ASB11: variants seen among roughly 807,000 people sequenced by gnomAD.
The protein encoded by ASB11 is ankyrin repeat and SOCS box protein 11.
Under a neutral mutation model 20.1 loss-of-function variants are expected in ASB11, and 17 were observed. The ratio of observed to expected loss-of-function variants is 0.85; its 90% CI spans 0.58 to 1.27. The LOEUF is 1.27. Among genes scored for constraint, ASB11 ranks in the 50% most tolerant of loss-of-function variants. ASB11 has a pLI of 0.00. For synonymous variants in ASB11, 107 were observed against 105.6 expected, an observed-to-expected ratio of 1.01 and a Z score of -0.08; for missense variants, 259 against 256.9, an observed-to-expected ratio of 1.01 and a Z score of -0.06.
intron 1 of ASB11, among the ~76,000 whole-genome samples, chrX:15,303,108 C>T (rs1273846218): frequency 4.5e-5 from 5 of 111,170 alleles, no homozygotes; most frequent in Admixed American, 1.9e-4. Flanking sequence ...TGCTTGAATC[C>T]GATAGCTCTA....
At chrX:15,292,919 C>T (rs751386464) in intron 4 of ASB11, among the ~76,000 whole-genome samples, 68 of 111,969 alleles carry the variant, frequency 6.1e-4, no homozygotes, top group African/African-American at 2.2e-3. Context: ...GCCAATAGAC[C>T]ATCCCCAGGA....
At chrX:15,300,871 AGGTGGGAGACTGAGAGAGAAGAGGTG>A (rs1921041328) in intron 2 of ASB11, among the ~76,000 whole-genome samples, 2 of 112,072 alleles carry the variant, frequency 1.8e-5, no homozygotes, top group Admixed American at 1.9e-4. Context: ...GAAAGTATTG[AGGTGGGAGACTGAGAGAGAAGAGGTG>A]GGTGGGAGAC....
chrX:15,304,106 C>G lies in ASB11; in HGVS notation c.182-1299G>C, dbSNP rs970044225. Among the ~76,000 whole-genome samples, 5 of 112,864 alleles carry G rather than the reference C, an allele frequency of 4.4e-5. No individual in the cohort carries two copies. The Admixed American group carries it at 4.7e-4, about 11-fold the overall frequency. On this transcript the variant is annotated intron_variant, in intron 1 of 6. Transcript: ENST00000480796. The stretch of plus-strand genomic sequence containing the variant: ...ATATAATTTGGATTTAACACAAAGG[C>G]TCCTCAACCTCTTGTGGGTGATCCT...
intron 4 of ASB11, chrX:15,291,919 C>A (rs1927543002): frequency 9.5e-6 from 1 of 105,728 alleles, no homozygotes; most frequent in Non-Finnish European, 1.9e-5. Context: ...CCTGTAATCC[C>A]AGCTACTTGG....
chrX:15,300,893 AGGTG>A (rs1348495425), intron 2 of ASB11, among the ~76,000 whole-genome samples: 1 of 111,863 alleles, frequency 8.9e-6, no homozygotes, highest in Non-Finnish European at 1.9e-5. Context: ...GAGAGAGAAG[AGGTG>A]GGTGGGAGAC....
chrX:15,301,260 G>T (rs1456128717), intron 2 of ASB11, among the ~76,000 whole-genome samples: 1 of 112,018 alleles, frequency 8.9e-6, no homozygotes, highest in Non-Finnish European at 1.9e-5. Context: ...ACCACATCCG[G>T]CCAGTCCACC....
At position 15,282,288 on chromosome X, in the gene ASB11, C is replaced by G. The variant is rs955414509; in HGVS notation, c.*1217G>C. ...TACTGAACCATGACAGTAATACTTA[C>G]AATAATTAAAAGTCTATCCAGTTCC... On this transcript the variant is annotated 3_prime_UTR_variant, in exon 7 of 7. Coordinates refer to ENST00000480796, the MANE Select transcript of ASB11 (RefSeq NM_080873.3). 1 of 110,673 alleles carries G rather than the reference C, an allele frequency of 9.0e-6. No individual in the cohort carries two copies. The highest frequency in any genetic ancestry group is 3.3e-5 in the African/African-American group (1 of 30,389). The allele number at this position is 110,673 out of a possible 1,213,427, so 9.1% of individuals were successfully genotyped here. A position where few individuals can be genotyped will look rare whatever the true frequency, so the allele number is the denominator to read the frequency against.
At chrX:15,311,173 T>C (rs7066009) in intron 1 of ASB11, among the ~76,000 whole-genome samples, 15,948 of 112,016 alleles carry the variant, frequency 0.14, 1,417 homozygotes, top group African/African-American at 0.33. Context: ...TCTAAAATAT[T>C]GTAATAAAAC....
At chrX:15,284,475 T>C (rs1182876066) in intron 6 of ASB11, among the ~76,000 whole-genome samples, 1 of 110,817 alleles carries the variant, frequency 9.0e-6, no homozygotes, top group African/African-American at 3.3e-5. Flanking sequence ...CTCCTGGACC[T>C]ACCGGCTCTA....
intron 4 of ASB11, among the ~76,000 whole-genome samples, chrX:15,290,465 A>T (rs1458564582): frequency 8.9e-6 from 1 of 112,415 alleles, no homozygotes; most frequent in Non-Finnish European, 1.9e-5. Context: ...AGAAAGAATA[A>T]AGAAGTCTTA....
chrX:15,290,361 C>A (rs891167886), intron 4 of ASB11, among the ~76,000 whole-genome samples: 6 of 112,124 alleles, frequency 5.4e-5, no homozygotes, highest in Admixed American at 1.9e-4. Flanking sequence ...GTCGCCTCTC[C>A]ATTACAAATC....
intron 1 of ASB11, among the ~76,000 whole-genome samples, chrX:15,314,921 G>A (rs778446774): frequency 1.8e-5 from 2 of 111,157 alleles, no homozygotes; most frequent in Non-Finnish European, 1.9e-5. Context: ...ATATAAAATG[G>A]GTTTAGTGAA....
chrX:15,314,684 C>G, intron 1 of ASB11: 1 of 475,997 alleles, frequency 2.1e-6, no homozygotes, highest in Non-Finnish European at 2.9e-6. Flanking sequence ...CGGGGAAATT[C>G]TGAACTCTGT....
At chrX:15,313,719 A>G (rs1012264751) in intron 1 of ASB11, among the ~76,000 whole-genome samples, 26 of 111,556 alleles carry the variant, frequency 2.3e-4, no homozygotes, top group Admixed American at 1.3e-3. Flanking sequence ...CCATGCTTAC[A>G]TGGGTTTTGA....
chrX:15,283,015 C>T lies in ASB11; in HGVS notation c.*490G>A, dbSNP rs1221900057. On this transcript the variant is annotated 3_prime_UTR_variant, in exon 7 of 7. Transcript: ENST00000480796. Reference sequence around the variant, plus strand: ...ACGTATATGTATGTATATATATATACGTATATATATACAAAAAATCAAAAT... The same window carrying T: ...ACGTATATGTATGTATATATATATATGTATATATATACAAAAAATCAAAAT... 2.0e-5 allele frequency: 2 copies of T among 100,572 alleles called. No individual in the cohort carries two copies. Among genetic ancestry groups the T allele is most frequent in the African/African-American group, 3.7e-5 (1 of 26,798 alleles). 8.3% of individuals were successfully genotyped at this position (100,572 alleles called of 1,213,427 possible). A position where few individuals can be genotyped will look rare whatever the true frequency, so the allele number is the denominator to read the frequency against.
At chrX:15,289,888 G>T (rs1348932091) in intron 4 of ASB11, 1 of 246,399 alleles carries the variant, frequency 4.1e-6, no homozygotes, top group Admixed American at 6.1e-5. Flanking sequence ...GCTGGGCATG[G>T]TGGCACACAC....
At chrX:15,312,491 T>C (rs1262013114) in intron 1 of ASB11, among the ~76,000 whole-genome samples, 1 of 79,297 alleles carries the variant, frequency 1.3e-5, no homozygotes, top group African/African-American at 5.0e-5. Flanking sequence ...AGGCATGTGG[T>C]GTTAAATGCA....
rs1230509594 is a variant in ASB11 at position 15,282,329 on chromosome X, C to CA, written c.*1175dup. ...ATCCAGTTCCCATGTTCTAAATTCA[C>CA]AAAAAAGAGAAAGAATAGAGGAAGA... On this transcript the variant is annotated 3_prime_UTR_variant, in exon 7 of 7. Coordinates refer to ENST00000480796, the MANE Select transcript of ASB11 (RefSeq NM_080873.3). 1.8e-5 allele frequency: 2 copies of CA among 110,222 alleles called. No individual in the cohort carries two copies. Among genetic ancestry groups the CA allele is most frequent in the Non-Finnish European group, 3.8e-5 (2 of 52,751 alleles). The allele number at this position is 110,222 out of a possible 1,213,427, so 9.1% of individuals were successfully genotyped here.
At chrX:15,299,729 G>A (rs1467475059) in intron 2 of ASB11, among the ~76,000 whole-genome samples, 2 of 110,850 alleles carry the variant, frequency 1.8e-5, no homozygotes, top group Non-Finnish European at 3.8e-5. Flanking sequence ...TTGGAGAGGG[G>A]GTGCTTAGAA....
Sources: gnomAD v4.1 joint callset for allele counts (sites outside exome capture counted in the v4.1 genomes callset) on GRCh38, gnomAD v4.1.1 for gene constraint, MANE v1.5 for transcripts, NCBI Gene and HGNC (gene_info 2026-07-23, HGNC 2026-07-21) for gene names.